FAXC: variants seen among roughly 807,000 people sequenced by gnomAD.
The protein encoded by FAXC is failed axon connections homolog.
Under a neutral mutation model 41.9 loss-of-function variants are expected in FAXC, and 10 were observed. The observed-to-expected ratio is 0.24, with a 90% confidence interval of 0.15 to 0.41. FAXC has a LOEUF of 0.41. Among genes scored for constraint, FAXC ranks in the 10% least tolerant of loss-of-function variants. The probability of loss-of-function intolerance (pLI) is 1.00; values close to 1 mark genes in which losing one functional copy is unlikely to be tolerated. For missense variants in FAXC, 399 were observed against 510.9 expected (o/e 0.78, Z 2.11); for synonymous variants, 183 against 183.8 (o/e 1.00, Z 0.03).
At chr6:99,313,190 C>T (rs1045953917) in intron 4 of FAXC, among the ~76,000 whole-genome samples, 5 of 152,058 alleles carry the variant, frequency 3.3e-5, no homozygotes, top group African/African-American at 9.7e-5. Context: ...CTCCTCGGGA[C>T]GATGAGGCAG....
Position 99,271,407 on chromosome 6 carries a change from T to G in FAXC, c.*9757A>C, listed in dbSNP as rs1770395043. On this transcript the variant is annotated 3_prime_UTR_variant, in exon 6 of 6. Coordinates refer to ENST00000389677, the MANE Select transcript of FAXC (RefSeq NM_032511.4). ...GGTCTATGTTAATAAACAGGGCTGA[T>G]AGGATTTATAGGTCAAGAGAAATGG... 6.6e-6 allele frequency: 1 copy of G among 152,158 alleles called. No individual in the cohort carries two copies. The highest frequency in any genetic ancestry group is 1.5e-5 in the Non-Finnish European group (1 of 68,036). The allele number at this position is 152,158 out of a possible 1,614,324, so 9.4% of individuals were successfully genotyped here. A position where few individuals can be genotyped will look rare whatever the true frequency, so the allele number is the denominator to read the frequency against.
chr6:99,278,793 T>G lies in FAXC; in HGVS notation c.*2371A>C, dbSNP rs1449099863. 2 of 152,310 alleles carry G rather than the reference T, an allele frequency of 1.3e-5. No homozygotes were observed. Among genetic ancestry groups the G allele is most frequent in the African/African-American group, 4.8e-5 (2 of 41,580 alleles). The allele number at this position is 152,310 out of a possible 1,614,324, so 9.4% of individuals were successfully genotyped here. ...TGTCCATTCATGCCCCTGTAAGAGG[T>G]ACCTGGATGGAATGACTTATTTTAC... On this transcript the variant is annotated 3_prime_UTR_variant, in exon 6 of 6. Coordinates refer to ENST00000389677, the MANE Select transcript of FAXC (RefSeq NM_032511.4).
At chr6:99,305,538 T>C in intron 4 of FAXC, among the ~76,000 whole-genome samples, 1 of 152,132 alleles carries the variant, frequency 6.6e-6, no homozygotes, top group Non-Finnish European at 1.5e-5. Context: ...ATACTAATGA[T>C]AATAATACTA....
chr6:99,315,791 G>C, intron 4 of FAXC, among the ~76,000 whole-genome samples: 1 of 152,274 alleles, frequency 6.6e-6, no homozygotes, highest in Non-Finnish European at 1.5e-5. Context: ...ACAGCATTCT[G>C]ACATTCATTC....
At chr6:99,322,926 A>G (rs1037694364) in intron 4 of FAXC, among the ~76,000 whole-genome samples, 3 of 152,236 alleles carry the variant, frequency 2.0e-5, no homozygotes, top group African/African-American at 4.8e-5. Context: ...GCTAGTAATA[A>G]GAGGACTAAG....
rs1402929369 is a variant in FAXC at position 99,274,307 on chromosome 6, C to T, written c.*6857G>A. On this transcript the variant is annotated 3_prime_UTR_variant, in exon 6 of 6. Coordinates refer to ENST00000389677, the MANE Select transcript of FAXC (RefSeq NM_032511.4). ...ACAATCCTTCCCTACATAGATTGCACTTGTTTTTGATTTATAAACCTGTAC... is the reference window on the plus strand; with the variant it reads ...ACAATCCTTCCCTACATAGATTGCATTTGTTTTTGATTTATAAACCTGTAC... The T allele has an allele frequency of 1.3e-5, 2 of 152,164 alleles. No individual in the cohort carries two copies. Among genetic ancestry groups the T allele is most frequent in the African/African-American group, 2.4e-5 (1 of 41,438 alleles). The allele number at this position is 152,164 out of a possible 1,614,324, so 9.4% of individuals were successfully genotyped here.
chr6:99,304,569 G>A (rs1771842389), intron 4 of FAXC, among the ~76,000 whole-genome samples: 1 of 152,164 alleles, frequency 6.6e-6, no homozygotes, highest in Non-Finnish European at 1.5e-5. Flanking sequence ...ACAGGCTTCT[G>A]AAACTTTTCT....
chr6:99,333,545 G>T lies in FAXC; in HGVS notation c.405C>A (p.Asn135Lys). ...YLRMADLPYQNYFGGKLSAQG... is the reference protein window; with the variant it reads ...YLRMADLPYQKYFGGKLSAQG... ...GAGCAGAGAGTTTTCCACCAAAATAGTTCTAAGCAGAGTACATTTTTAAAA... is the reference window on the plus strand; with the variant it reads ...GAGCAGAGAGTTTTCCACCAAAATATTTCTAAGCAGAGTACATTTTTAAAA... The change falls in exon 3 of 6, where the codon AAC (asparagine) becomes AAA (lysine). Residue 135 changes from asparagine (N) to lysine (K), a missense_variant and splice_region_variant. Around this residue, in one of 3 missense-constraint regions of FAXC, gnomAD observed 239 missense variants for 352.7 expected, o/e 0.68. Transcript: ENST00000389677. 6.3e-7 allele frequency: 1 copy of T among 1,596,756 alleles called. No individual in the cohort carries two copies. The highest frequency in any genetic ancestry group is 8.5e-7 in the Non-Finnish European group (1 of 1,173,898).
chr6:99,281,533 C>T (rs546048993), intron 5 of FAXC, 80 bp from the exon 6 acceptor site: 1 of 1,152,456 alleles, frequency 8.7e-7, no homozygotes, highest in South Asian at 1.4e-5. Flanking sequence ...TGCCCCAAAA[C>T]TCCAATGTTG....
chr6:99,288,644 G>A (rs763743948), intron 5 of FAXC, among the ~76,000 whole-genome samples: 26 of 152,284 alleles, frequency 1.7e-4, no homozygotes, highest in Middle Eastern at 6.8e-3. Flanking sequence ...TCCTCATAAT[G>A]ACCATTTAGG....
Position 99,299,692 on chromosome 6 carries a change from T to G in FAXC, c.824-7872A>C, listed in dbSNP as rs1771630396. Among the ~76,000 whole-genome samples the G allele has an allele frequency of 2.0e-5, 3 of 152,278 alleles. No individual in the cohort carries two copies. In the South Asian group the frequency reaches 6.2e-4, roughly 32 times the overall value. ...AGAGCACACACTTAAATGCACACAC[T>G]TAAAACTTTTTTTCTGCAAGTGAAT... is the stretch of plus-strand genomic sequence containing the variant. On this transcript the variant is annotated intron_variant, in intron 4 of 5. Transcript: ENST00000389677.
chr6:99,303,640 A>G lies in FAXC; in HGVS notation c.824-11820T>C, dbSNP rs144067347. On this transcript the variant is annotated intron_variant, in intron 4 of 5. Coordinates refer to ENST00000389677, the MANE Select transcript of FAXC (RefSeq NM_032511.4). ...CCCAAGGTTAGAACACCTAGTGTCTAATGCAACAAGACTTCTCTTTTACCA... is the reference window on the plus strand; with the variant it reads ...CCCAAGGTTAGAACACCTAGTGTCTGATGCAACAAGACTTCTCTTTTACCA... Among the ~76,000 whole-genome samples the G allele has an allele frequency of 7.2e-5, 11 of 152,340 alleles. No homozygotes were observed. The East Asian group carries it at 2.1e-3, about 29-fold the overall frequency.
chr6:99,297,519 A>G (rs1238993852), intron 4 of FAXC, among the ~76,000 whole-genome samples: 3 of 152,154 alleles, frequency 2.0e-5, no homozygotes, highest in African/African-American at 7.2e-5. Flanking sequence ...GGACAAGCAG[A>G]GAGCCACATG....
intron 4 of FAXC, among the ~76,000 whole-genome samples, chr6:99,308,358 T>A (rs749061231): frequency 6.6e-6 from 1 of 152,222 alleles, no homozygotes; most frequent in Non-Finnish European, 1.5e-5. Context: ...CAGTTTACAA[T>A]GAATAAAGTG....
chr6:99,328,824 G>C (rs571237804), intron 3 of FAXC, among the ~76,000 whole-genome samples: 12 of 152,272 alleles, frequency 7.9e-5, no homozygotes, highest in African/African-American at 2.9e-4. Flanking sequence ...TGAGCCACTT[G>C]ATAACAGGTA....
At chr6:99,343,802 G>A (rs1773502194) in intron 1 of FAXC, among the ~76,000 whole-genome samples, 1 of 152,098 alleles carries the variant, frequency 6.6e-6, no homozygotes, top group East Asian at 1.9e-4. Context: ...TAATGCCATG[G>A]AACCTGCCTT....
chr6:99,316,944 G>A (rs887782691), intron 4 of FAXC, among the ~76,000 whole-genome samples: 2 of 152,070 alleles, frequency 1.3e-5, no homozygotes, highest in East Asian at 3.9e-4. Flanking sequence ...GCCTTTGAAG[G>A]GACGCACTAC....
chr6:99,285,217 T>G (rs1770988477), intron 5 of FAXC, among the ~76,000 whole-genome samples: 1 of 152,080 alleles, frequency 6.6e-6, no homozygotes, highest in Non-Finnish European at 1.5e-5. Flanking sequence ...TCAACTATAA[T>G]AAAAGCAGTG....
rs1771247502 is a variant in FAXC, at chr6:99,291,691, G to A, written c.940+13C>T. ...AGTAAGCCCCAAAACCTGAAGAAGA[G>A]TGTAGGGCTTGCCTTTGATCAGCCG... On this transcript the variant is annotated intron_variant, in intron 5 of 5. Transcript: ENST00000389677. The A allele has an allele frequency of 6.3e-7, 1 of 1,596,430 alleles. No homozygotes were observed. Among genetic ancestry groups the A allele is most frequent in the African/African-American group, 1.3e-5 (1 of 74,716 alleles).
Sources: allele counts gnomAD v4.1 joint callset (sites outside exome capture counted in the v4.1 genomes callset), GRCh38; gene constraint gnomAD v4.1.1; regional missense constraint gnomAD v4.1.1; transcripts MANE v1.5; gene names NCBI Gene and HGNC (gene_info 2026-07-23, HGNC 2026-07-21).